USO1: variants seen among roughly 807,000 people sequenced by gnomAD.
USO1 encodes USO1 vesicle transport factor, also known as general vesicular transport factor p115.
A neutral mutation model predicts 124.5 loss-of-function variants in USO1; 57 were observed. The observed-to-expected ratio is 0.46, with a 90% CI of 0.37 to 0.57. USO1 has a LOEUF of 0.57. Ranked by LOEUF, USO1 falls within the 20% of genes least tolerant of loss-of-function variation. USO1 has a pLI of 0.00. For synonymous variants in USO1, 369 were observed against 362.8 expected (o/e 1.02, Z -0.19); for missense variants, 900 against 1,040.6 (o/e 0.86, Z 1.86).
chr4:75,727,794 G>A lies in USO1; in HGVS notation c.66+2909G>A, dbSNP rs116735834. On this transcript the variant is annotated intron_variant, in intron 1 of 23. Transcript: ENST00000514213. The stretch of plus-strand genomic sequence containing the variant: ...CTAACATCTTTTTTCCAATGGAAGG[G>A]CTCTTTTCTTTGTCTGAATTAGACC... Among the ~76,000 whole-genome samples the A allele has an allele frequency of 5.9e-3, 897 of 152,068 alleles. 14 individuals are homozygous for A. Among genetic ancestry groups the A allele is most frequent in the African/African-American group, 0.021 (851 of 41,478 alleles).
At chr4:75,761,638 C>G (rs934064937) in intron 4 of USO1, among the ~76,000 whole-genome samples, 2 of 152,064 alleles carry the variant, frequency 1.3e-5, no homozygotes, top group Admixed American at 1.3e-4. Context: ...ATTTTCTTCT[C>G]TCTAATCTCT....
intron 3 of USO1, among the ~76,000 whole-genome samples, chr4:75,756,147 G>A (rs1174898104): frequency 1.4e-5 from 2 of 145,688 alleles, no homozygotes; most frequent in African/African-American, 5.0e-5. Context: ...TCCAGCCTGG[G>A]TGACAGAACA....
intron 8 of USO1, among the ~76,000 whole-genome samples, chr4:75,781,180 T>C (rs1184421853): frequency 6.6e-6 from 1 of 151,684 alleles, no homozygotes; most frequent in Non-Finnish European, 1.5e-5. Flanking sequence ...CTTGGAGGGG[T>C]TCAAGACTTT....
rs763784920 is a variant in USO1 at position 75,757,517 on chromosome 4, G to T, written c.239G>T (p.Gly80Val). ...QTDRSDSEII[G>V]YALDTLYNII... ...TCCAGTTCAGATTCTGAAATAATAG[G>T]TTATGCTTTGGACACACTATATAAT... The change falls in exon 4 of 24, where the codon GGT becomes GTT. Residue 80 changes from glycine to valine, a missense_variant. Coordinates refer to ENST00000514213, the MANE Select transcript of USO1 (RefSeq NM_003715.4). 4 of 1,513,854 alleles carry T rather than the reference G, an allele frequency of 2.6e-6. No individual in the cohort carries two copies. The highest frequency in any genetic ancestry group is 3.5e-6 in the Non-Finnish European group (4 of 1,129,520). The allele number at this position is 1,513,854 out of a possible 1,614,324, so 93.8% of individuals were successfully genotyped here. A position where few individuals can be genotyped will look rare whatever the true frequency, so the allele number is the denominator to read the frequency against.
chr4:75,805,234 A>G lies in USO1; in HGVS notation c.2220A>G (p.Glu740=). The part of the protein sequence containing the change: ...EEIGRLREEI[E]ELKRNQELLQ... ...TTGGTAGATTGCGAGAAGAGATAGAAGAATTAAAACGTAATCAGGAACTTT... is the reference window on the plus strand; with the variant it reads ...TTGGTAGATTGCGAGAAGAGATAGAGGAATTAAAACGTAATCAGGAACTTT... Residue 740 remains glutamate, a synonymous_variant, in exon 19 of 24, where the codon GAA becomes GAG. Coordinates refer to ENST00000514213, the MANE Select transcript of USO1 (RefSeq NM_003715.4). 6.2e-7 allele frequency: 1 copy of G among 1,613,218 alleles called. No homozygotes were observed. Among genetic ancestry groups the G allele is most frequent in the Non-Finnish European group, 8.5e-7 (1 of 1,179,504 alleles).
At chr4:75,771,555 C>T (rs556371637) in intron 7 of USO1, among the ~76,000 whole-genome samples, 160 of 152,310 alleles carry the variant, frequency 1.1e-3, no homozygotes, top group African/African-American at 3.7e-3. Flanking sequence ...TTGTATTTGA[C>T]ACCAAACTCT....
rs529836515 is a variant in USO1, at chr4:75,763,401, C to G, written c.295+5828C>G. Among the ~76,000 whole-genome samples the G allele has an allele frequency of 2.0e-5, 3 of 152,194 alleles. No homozygotes were observed. The South Asian group carries it at 6.2e-4, about 32-fold the overall frequency. On this transcript the variant is annotated intron_variant, in intron 4 of 23. Coordinates refer to ENST00000514213, the MANE Select transcript of USO1 (RefSeq NM_003715.4). ...ATTCAGTAAATTACATGAGATAATACTTTATTATAAAATATGATTTCTGTT... is the reference window on the plus strand; with the variant it reads ...ATTCAGTAAATTACATGAGATAATAGTTTATTATAAAATATGATTTCTGTT...
At chr4:75,768,087 G>A (rs1721819748) in intron 4 of USO1, among the ~76,000 whole-genome samples, 1 of 152,038 alleles carries the variant, frequency 6.6e-6, no homozygotes, top group African/African-American at 2.4e-5. Flanking sequence ...TACAATCATG[G>A]CTCACTGCAG....
chr4:75,782,638 T>A, intron 8 of USO1, 42 bp from the exon 9 acceptor site: 1 of 1,508,910 alleles, frequency 6.6e-7, no homozygotes. Flanking sequence ...TTGCGTCAGG[T>A]TTTACGAGCC....
At chr4:75,764,256 G>A (rs1721702401) in intron 4 of USO1, among the ~76,000 whole-genome samples, 1 of 152,122 alleles carries the variant, frequency 6.6e-6, no homozygotes, top group Non-Finnish European at 1.5e-5. Flanking sequence ...AACTTTTTCT[G>A]GTATTAGACC....
chr4:75,813,401 A>C lies in USO1; in HGVS notation c.*106A>C. 2 of 1,234,652 alleles carry C rather than the reference A, an allele frequency of 1.6e-6. No individual in the cohort carries two copies. The highest frequency in any genetic ancestry group is 2.1e-6 in the Non-Finnish European group (2 of 931,656). 76.5% of individuals were successfully genotyped at this position (1,234,652 alleles called of 1,614,324 possible). ...ATAAAGATTTAGAAACCAGGTGGAA[A>C]ACATTCACTATTAAGACTATTGATA... On this transcript the variant is annotated 3_prime_UTR_variant, in exon 24 of 24. Transcript: ENST00000514213.
intron 22 of USO1, 34 bp downstream of exon 22, chr4:75,810,573 A>G: frequency 1.3e-6 from 2 of 1,557,404 alleles, no homozygotes; most frequent in East Asian, 2.3e-5. Context: ...TTTACTGCAT[A>G]TGATATGAAA....
At chr4:75,786,921 G>T (rs1722377723) in intron 9 of USO1, 141 bp from the exon 10 acceptor site, 3 of 1,019,148 alleles carry the variant, frequency 2.9e-6, no homozygotes, top group Non-Finnish European at 3.9e-6. Context: ...TGCCATGGGA[G>T]CACGAAAGAA....
chr4:75,741,847 G>A (rs985606604), intron 1 of USO1, among the ~76,000 whole-genome samples: 15 of 151,760 alleles, frequency 9.9e-5, no homozygotes, highest in Non-Finnish European at 1.8e-4. Flanking sequence ...CAGGTGATTC[G>A]GCCTCCCAAA....
intron 17 of USO1, among the ~76,000 whole-genome samples, chr4:75,801,590 T>A (rs924853069): frequency 1.3e-5 from 2 of 152,040 alleles, no homozygotes; most frequent in African/African-American, 4.8e-5. Context: ...TTCTAGAAAG[T>A]GCTGAAAAAT....
intron 12 of USO1, among the ~76,000 whole-genome samples, chr4:75,792,939 A>G (rs1359121113): frequency 6.6e-6 from 1 of 152,040 alleles, no homozygotes; most frequent in Non-Finnish European, 1.5e-5. Context: ...ACCTTCTACC[A>G]TTGATGATAA....
intron 22 of USO1, 99 bp downstream of exon 22, chr4:75,810,638 T>C: frequency 1.5e-6 from 2 of 1,297,648 alleles, no homozygotes; most frequent in Non-Finnish European, 2.1e-6. Context: ...TGAAGAAAGC[T>C]AATGATGTGT....
Position 75,746,693 on chromosome 4 carries a change from A to G in USO1, c.67-5680A>G, listed in dbSNP as rs76286463. On this transcript the variant is annotated intron_variant, in intron 1 of 23. Transcript: ENST00000514213. ...AGAGATCACTTTTTCAGAAACTTCA[A>G]CTATCTGGAATATTGTTAGGAGGTA... is the stretch of plus-strand genomic sequence containing the variant. Among the ~76,000 whole-genome samples, 10 of 152,332 alleles carry G rather than the reference A, an allele frequency of 6.6e-5. No individual in the cohort carries two copies. In the East Asian group the frequency reaches 1.7e-3, roughly 26 times the overall value.
chr4:75,796,898 G>A (rs1411349629), intron 13 of USO1, among the ~76,000 whole-genome samples: 1 of 132,192 alleles, frequency 7.6e-6, no homozygotes, highest in Non-Finnish European at 1.6e-5. Context: ...TTTCTGGTAT[G>A]TCATTTGTCT....
Sources: allele counts gnomAD v4.1 joint callset (sites outside exome capture counted in the v4.1 genomes callset), GRCh38; gene constraint gnomAD v4.1.1; transcripts MANE v1.5; gene names NCBI Gene and HGNC (gene_info 2026-07-23, HGNC 2026-07-21).